C12orf56: variants seen among roughly 807,000 people sequenced by gnomAD.
C12orf56 encodes the protein uncharacterized protein C12orf56.
Under a neutral mutation model 69.9 loss-of-function variants are expected in C12orf56, and 71 were observed. The ratio of observed to expected loss-of-function variants is 1.02; its 90% confidence interval spans 0.84 to 1.24. The LOEUF (loss-of-function observed/expected upper bound fraction) is 1.24. Among genes scored for constraint, C12orf56 ranks in the 50% most tolerant of loss-of-function variants. The probability of loss-of-function intolerance (pLI) is 0.00; values close to 1 mark genes in which losing one functional copy is unlikely to be tolerated. For missense variants in C12orf56, 732 were observed against 738.5 expected (o/e 0.99, Z 0.10); for synonymous variants, 276 against 274.1 (o/e 1.01, Z -0.07).
chr12:64,267,919 A>C (rs2037935912), intron 12 of C12orf56, among the ~76,000 whole-genome samples: 1 of 152,192 alleles, frequency 6.6e-6, no homozygotes, highest in Admixed American at 6.5e-5. Context: ...AAATGATTGC[A>C]ATCAGATGTG....
chr12:64,338,728 T>C, intron 2 of C12orf56: 3 of 1,506,566 alleles, frequency 2.0e-6, no homozygotes, highest in Admixed American at 1.7e-5. Flanking sequence ...TCTCATTGGC[T>C]TCTTGTTCAA....
Position 64,266,757 on chromosome 12 carries a change from C to T in C12orf56, c.*426G>A, listed in dbSNP as rs531070635. 18 of 327,176 alleles carry T rather than the reference C, an allele frequency of 5.5e-5. No individual in the cohort carries two copies. The highest frequency in any genetic ancestry group is 9.7e-4 in the Middle Eastern group (1 of 1,036). 20.3% of individuals were successfully genotyped at this position (327,176 alleles called of 1,614,324 possible). ...TGCCTCAGGCCCCCACACTCCCCGGCATCCTATTGCTTAAGCAACAGAACT... is the reference window on the plus strand; with the variant it reads ...TGCCTCAGGCCCCCACACTCCCCGGTATCCTATTGCTTAAGCAACAGAACT... On this transcript the variant is annotated 3_prime_UTR_variant, in exon 13 of 13. Transcript: ENST00000543942.
chr12:64,286,761 G>A (rs2136770545), intron 6 of C12orf56, among the ~76,000 whole-genome samples: 1 of 152,170 alleles, frequency 6.6e-6, no homozygotes, highest in South Asian at 2.1e-4. Context: ...TTTTTCCCCA[G>A]GATTTTGGTT....
rs185333821 is a variant in C12orf56, at chr12:64,383,692, C to A, written c.252+6622G>T. ...GCTGGGCCCAATATTTCCCTTCCCCCCTTCATAATATAGGTAAATGTGCTG... is the reference window on the plus strand; with the variant it reads ...GCTGGGCCCAATATTTCCCTTCCCCACTTCATAATATAGGTAAATGTGCTG... On this transcript the variant is annotated intron_variant, in intron 1 of 12. Coordinates refer to ENST00000543942, the MANE Select transcript of C12orf56 (RefSeq NM_001170633.2). Among the ~76,000 whole-genome samples, 12 of 151,718 alleles carry A rather than the reference C, an allele frequency of 7.9e-5. No individual in the cohort carries two copies. The East Asian group carries it at 9.7e-4, about 12-fold the overall frequency.
chr12:64,298,569 G>C (rs2038400822), intron 6 of C12orf56, among the ~76,000 whole-genome samples: 1 of 152,192 alleles, frequency 6.6e-6, no homozygotes, highest in Admixed American at 6.5e-5. Context: ...AAGGTGTAAG[G>C]AAGGGGTCCA....
chr12:64,384,344 T>C (rs933016701), intron 1 of C12orf56, among the ~76,000 whole-genome samples: 57 of 152,224 alleles, frequency 3.7e-4, no homozygotes, highest in Non-Finnish European at 1.5e-4. Context: ...AATACCTCTA[T>C]TGGAAATTCT....
In C12orf56 at chr12:64,312,664, A is replaced by G; in HGVS notation, c.968+15T>C. On this transcript the variant is annotated intron_variant, in intron 5 of 12. Coordinates refer to ENST00000543942, the MANE Select transcript of C12orf56 (RefSeq NM_001170633.2). ...AATTCCCCATGCAACTCTATCATAC[A>G]TCATCACTTCTTACCTATATGGCTT... is the stretch of plus-strand genomic sequence containing the variant. 2.6e-6 allele frequency: 4 copies of G among 1,519,918 alleles called. No homozygotes were observed. The highest frequency in any genetic ancestry group is 3.5e-6 in the Non-Finnish European group (4 of 1,131,526). The allele number at this position is 1,519,918 out of a possible 1,614,324, so 94.2% of individuals were successfully genotyped here. A position where few individuals can be genotyped will look rare whatever the true frequency, so the allele number is the denominator to read the frequency against.
intron 1 of C12orf56, among the ~76,000 whole-genome samples, chr12:64,379,248 C>T (rs1360043551): frequency 6.6e-6 from 1 of 152,058 alleles, no homozygotes; most frequent in Non-Finnish European, 1.5e-5. Flanking sequence ...TGACAAGATG[C>T]CTGCCTTCAT....
intron 1 of C12orf56, among the ~76,000 whole-genome samples, chr12:64,357,070 C>T (rs7487224): frequency 0.88 from 133,778 of 151,560 alleles, 59,431 homozygotes; most frequent in East Asian, 0.96. Context: ...ATATATTTTA[C>T]ACCTAAAACA....
rs947239661 is a variant in C12orf56, at chr12:64,323,289, T to C, written c.489-4309A>G. ...TTCCCAGGATTCCATTTCTAAGCTT[T>C]ACTGAGTTTGCTCACCATTGTATTC... On this transcript the variant is annotated intron_variant, in intron 3 of 12. Transcript: ENST00000543942. 2.0e-5 allele frequency among the ~76,000 whole-genome samples: 3 copies of C among 152,188 alleles called. No homozygotes were observed. In the East Asian group the frequency reaches 5.8e-4, roughly 29 times the overall value.
At chr12:64,329,988 C>A (rs1314510889) in intron 3 of C12orf56, among the ~76,000 whole-genome samples, 1 of 152,106 alleles carries the variant, frequency 6.6e-6, no homozygotes, top group Admixed American at 6.6e-5. Context: ...AATAAACATA[C>A]GTGTGCATGT....
intron 3 of C12orf56, among the ~76,000 whole-genome samples, chr12:64,327,767 CA>C (rs1391780955): frequency 2.0e-5 from 3 of 152,206 alleles, no homozygotes; most frequent in African/African-American, 4.8e-5. Context: ...ACACATTAGA[CA>C]ATTCTGTCTT....
At position 64,356,408 on chromosome 12, in the gene C12orf56, G is replaced by A. The variant is rs557708357; in HGVS notation, c.253-3352C>T. On this transcript the variant is annotated intron_variant, in intron 1 of 12. Coordinates refer to ENST00000543942, the MANE Select transcript of C12orf56 (RefSeq NM_001170633.2). ...TTACTTCCATAGAAGGGTGCAACTC[G>A]TGGATGGAGCAATGGCAAGAGCACA... Among the ~76,000 whole-genome samples the A allele has an allele frequency of 2.2e-3, 338 of 152,240 alleles. 3 individuals are homozygous for A. The South Asian group carries it at 0.028, about 12-fold the overall frequency.
intron 6 of C12orf56, among the ~76,000 whole-genome samples, chr12:64,301,075 G>A (rs1026742706): frequency 4.6e-5 from 7 of 151,956 alleles, no homozygotes; most frequent in Non-Finnish European, 1.0e-4. Context: ...CTTCCCCTTC[G>A]CCTTCTGTCA....
At chr12:64,371,656 C>G (rs2135974113) in intron 1 of C12orf56, among the ~76,000 whole-genome samples, 1 of 151,596 alleles carries the variant, frequency 6.6e-6, no homozygotes. Flanking sequence ...CATGGTGAAA[C>G]CCGGCTCTAA....
intron 1 of C12orf56, among the ~76,000 whole-genome samples, chr12:64,375,451 G>T (rs559933428): frequency 3.9e-5 from 6 of 152,282 alleles, no homozygotes; most frequent in Admixed American, 3.9e-4. Flanking sequence ...AGTTCAAAAT[G>T]GGTCATAAAG....
At chr12:64,377,222 G>A (rs1309706776) in intron 1 of C12orf56, among the ~76,000 whole-genome samples, 3 of 137,152 alleles carry the variant, frequency 2.2e-5, no homozygotes, top group East Asian at 2.1e-4. Flanking sequence ...GAGGAGTCTC[G>A]CTATGTTGCC....
chr12:64,272,270 C>T (rs1160748743), intron 11 of C12orf56, among the ~76,000 whole-genome samples: 2 of 151,934 alleles, frequency 1.3e-5, no homozygotes, highest in Admixed American at 6.6e-5. Context: ...TTTAGGAGGC[C>T]GAAGTGGGAG....
intron 2 of C12orf56, among the ~76,000 whole-genome samples, chr12:64,345,150 C>T (rs542121904): frequency 6.6e-6 from 1 of 152,234 alleles, no homozygotes; most frequent in South Asian, 2.1e-4. Context: ...GGGTCATACT[C>T]TCAACCTCCA....
Sources: gnomAD v4.1 joint callset for allele counts (sites outside exome capture counted in the v4.1 genomes callset) on GRCh38, gnomAD v4.1.1 for gene constraint, MANE v1.5 for transcripts, NCBI Gene and HGNC (gene_info 2026-07-23, HGNC 2026-07-21) for gene names.